Variants in ASAP2 observed in about 807,000 individuals in gnomAD.
The protein encoded by ASAP2 is ArfGAP with SH3 domain, ankyrin repeat and PH domain 2.
ASAP2 carries 45 observed loss-of-function variants against 131.4 expected under a neutral mutation model. The ratio of observed to expected loss-of-function variants is 0.34; its 90% confidence interval spans 0.27 to 0.44. The LOEUF is 0.44. ASAP2 is among the 20% of genes least tolerant of loss of function. The pLI, the probability that ASAP2 is intolerant of heterozygous loss-of-function variation, is 1.00. For synonymous variants in ASAP2, 510 were observed against 503.0 expected (o/e 1.01, Z -0.19); for missense variants, 1,011 against 1,297.0 (o/e 0.78, Z 3.39).
chr2:9,239,025 GC>G, intron 1 of ASAP2, among the ~76,000 whole-genome samples: 1 of 152,178 alleles, frequency 6.6e-6, no homozygotes, highest in Middle Eastern at 3.4e-3. Flanking sequence ...ATCCCTCCCA[GC>G]CCCTCTCTGT....
Position 9,363,268 on chromosome 2 carries a change from C to T in ASAP2, c.1461+4379C>T, listed in dbSNP as rs116602404. 4.8e-3 allele frequency among the ~76,000 whole-genome samples: 735 copies of T among 152,278 alleles called. 4 individuals carry two copies. The highest frequency in any genetic ancestry group is 0.017 in the African/African-American group (700 of 41,546). On this transcript the variant is annotated intron_variant, in intron 15 of 27. Transcript: ENST00000281419. ...GCTGCAGTAAACAAGATGGTGAAGA[C>T]GTGTCTTCAACAAACTGATTTCAGA...
chr2:9,373,329 C>T (rs1674131844), intron 16 of ASAP2, among the ~76,000 whole-genome samples: 1 of 152,266 alleles, frequency 6.6e-6, no homozygotes, highest in Admixed American at 6.5e-5. Context: ...TCCTCTCCAG[C>T]TGCACCAGCC....
At chr2:9,211,956 C>T (rs1205565796) in intron 1 of ASAP2, among the ~76,000 whole-genome samples, 2 of 152,294 alleles carry the variant, frequency 1.3e-5, no homozygotes, top group East Asian at 1.9e-4. Flanking sequence ...ACCTTTTAAA[C>T]TGTGTTCTGA....
intron 19 of ASAP2, among the ~76,000 whole-genome samples, chr2:9,380,473 C>T (rs1216779654): frequency 1.3e-5 from 2 of 152,196 alleles, no homozygotes; most frequent in East Asian, 3.9e-4. Context: ...GCTGGGATTA[C>T]AGGCGTGAGC....
At chr2:9,337,541 C>A (rs75296927) in intron 9 of ASAP2, among the ~76,000 whole-genome samples, 4,599 of 152,248 alleles carry the variant, frequency 0.03, 233 homozygotes, top group African/African-American at 0.11. Context: ...TTCTAACCCT[C>A]CCTGTGTAAT....
At chr2:9,292,372 G>A (rs1667870222) in intron 2 of ASAP2, among the ~76,000 whole-genome samples, 1 of 152,060 alleles carries the variant, frequency 6.6e-6, no homozygotes, top group Admixed American at 6.6e-5. Flanking sequence ...ACAAAAATTA[G>A]CCAGAAGTGG....
At chr2:9,338,512 C>A (rs1671371005) in intron 9 of ASAP2, among the ~76,000 whole-genome samples, 1 of 152,200 alleles carries the variant, frequency 6.6e-6, no homozygotes, top group South Asian at 2.1e-4. Flanking sequence ...TGGCCTTCAT[C>A]ACAGAGATCT....
rs140018946 is a variant in ASAP2 at position 9,358,844 on chromosome 2, G to A, written c.1416G>A (p.Arg472=). 8.1e-6 allele frequency: 13 copies of A among 1,613,244 alleles called. No homozygotes were observed. In the African/African-American group the frequency reaches 1.7e-4, roughly 22 times the overall value. ...IHRELGVHYS[R]MQSLTLDVLG... ...GAGAGCTGGGGGTTCATTATTCCAG[G>A]ATGCAGTCCCTGACCTTAGATGTAC... Residue 472 remains arginine, a synonymous_variant, in exon 15 of 28, where the codon AGG becomes AGA. Coordinates refer to ENST00000281419, the MANE Select transcript of ASAP2 (RefSeq NM_003887.3).
At chr2:9,228,177 C>T (rs749956622) in intron 1 of ASAP2, among the ~76,000 whole-genome samples, 6 of 152,078 alleles carry the variant, frequency 3.9e-5, no homozygotes, top group Non-Finnish European at 7.4e-5. Flanking sequence ...GGGACATACT[C>T]TTTGGCCATA....
At chr2:9,294,588 T>C (rs529704579) in intron 2 of ASAP2, among the ~76,000 whole-genome samples, 6 of 152,262 alleles carry the variant, frequency 3.9e-5, no homozygotes, top group African/African-American at 1.2e-4. Flanking sequence ...GGGATAATAA[T>C]AGCCAACTCT....
In ASAP2 at chr2:9,207,386, T is replaced by C. The variant is rs1661192457; in HGVS notation, c.126+156T>C. ...GAGACAGAAGCCCTTTGTTCCCGCC[T>C]AGGTGGCTCGGAGGAGATGGGTGAT... On this transcript the variant is annotated intron_variant, in intron 1 of 27. Transcript: ENST00000281419. The surrounding 1 kb of genome is among the most constrained non-coding windows in gnomAD (Gnocchi z 4.1). Among the ~76,000 whole-genome samples the C allele has an allele frequency of 6.6e-6, 1 of 152,092 alleles. No individual in the cohort carries two copies. Among genetic ancestry groups the C allele is most frequent in the Non-Finnish European group, 1.5e-5 (1 of 67,984 alleles).
chr2:9,291,340 G>A (rs1424409734), intron 2 of ASAP2, among the ~76,000 whole-genome samples: 2 of 152,206 alleles, frequency 1.3e-5, no homozygotes, highest in Non-Finnish European at 2.9e-5. Context: ...TAGAAATAAA[G>A]TTCTGAAAAT....
chr2:9,309,238 G>T (rs111321038), intron 3 of ASAP2, among the ~76,000 whole-genome samples: 2 of 152,332 alleles, frequency 1.3e-5, no homozygotes, highest in East Asian at 3.9e-4. Context: ...TCCATCAGCA[G>T]GTGTCTGGCT....
intron 8 of ASAP2, 35 bp downstream of exon 8, chr2:9,334,848 A>G (rs1315953559): frequency 2.5e-6 from 4 of 1,570,234 alleles, no homozygotes; most frequent in Admixed American, 3.4e-5. Context: ...GTTTAAAACC[A>G]TCTTAATGCA....
chr2:9,244,367 T>A (rs1357198710), intron 1 of ASAP2, among the ~76,000 whole-genome samples: 1 of 152,210 alleles, frequency 6.6e-6, no homozygotes, highest in South Asian at 2.1e-4. Context: ...CAAGGTACAC[T>A]GAGATTAGGA....
intron 18 of ASAP2, among the ~76,000 whole-genome samples, chr2:9,378,196 G>A (rs1036390545): frequency 1.3e-5 from 2 of 152,124 alleles, no homozygotes; most frequent in African/African-American, 4.8e-5. Context: ...TCCTGAGATC[G>A]CCTTTCTGTC....
Position 9,311,039 on chromosome 2 carries a change from C to CT in ASAP2, c.346-7484dup, listed in dbSNP as rs1277614934. Among the ~76,000 whole-genome samples, 1 of 134,546 alleles carries CT rather than the reference C, an allele frequency of 7.4e-6. No individual in the cohort carries two copies. The highest frequency in any genetic ancestry group is 1.7e-5 in the Non-Finnish European group (1 of 59,014). The allele number at this position is 134,546 out of a possible 152,430, so 88.3% of individuals were successfully genotyped here. On this transcript the variant is annotated intron_variant, in intron 3 of 27. Coordinates refer to ENST00000281419, the MANE Select transcript of ASAP2 (RefSeq NM_003887.3). The surrounding 1 kb of genome is among the most constrained non-coding windows in gnomAD (Gnocchi z 5.2). ...ACCTTGTCAGACATATCCAAGTGAA[C>CT]TCGGGGGGAAAAGCTAAGACAGGAA... is the stretch of plus-strand genomic sequence containing the variant.
rs780759691 is a variant in ASAP2, at chr2:9,392,542, G to A, written c.2519-940G>A. Reference sequence around the variant, plus strand: ...AGGTTTCCAAGGCGAACACACCAAAGGCCAGAAGGAACCACTTTCCTGCCT... The same window carrying A: ...AGGTTTCCAAGGCGAACACACCAAAAGCCAGAAGGAACCACTTTCCTGCCT... On this transcript the variant is annotated intron_variant, in intron 23 of 27. Coordinates refer to ENST00000281419, the MANE Select transcript of ASAP2 (RefSeq NM_003887.3). The surrounding 1 kb of genome is among the most constrained non-coding windows in gnomAD (Gnocchi z 4.0). Among the ~76,000 whole-genome samples the A allele has an allele frequency of 4.6e-5, 7 of 152,226 alleles. No homozygotes were observed. Among genetic ancestry groups the A allele is most frequent in the South Asian group, 2.1e-4 (1 of 4,828 alleles).
At chr2:9,305,028 CTAG>C (rs1331517752) in intron 3 of ASAP2, among the ~76,000 whole-genome samples, 6 of 120,602 alleles carry the variant, frequency 5.0e-5, no homozygotes, top group African/African-American at 1.3e-4. Flanking sequence ...GGTGGAGGGG[CTAG>C]TGTAGTGAGG....
Sources: allele counts gnomAD v4.1 joint callset (sites outside exome capture counted in the v4.1 genomes callset), GRCh38; gene constraint gnomAD v4.1.1; non-coding constraint Gnocchi (gnomAD v3.1); transcripts MANE v1.5; gene names NCBI Gene and HGNC (gene_info 2026-07-23, HGNC 2026-07-21).